The following CYP7B1 variants were observed in gnomAD, a reference collection of about 807,000 sequenced individuals.
The protein encoded by CYP7B1 is cytochrome P450 family 7 subfamily B member 1.
A neutral mutation model predicts 42.7 loss-of-function variants in CYP7B1; 29 were observed. The observed-to-expected ratio is 0.68, with a 90% CI of 0.51 to 0.93. CYP7B1 has a LOEUF of 0.93. Ranked by LOEUF, CYP7B1 falls within the 40% of genes least tolerant of loss-of-function variation. The pLI is 0.00. For synonymous variants in CYP7B1, 235 were observed against 218.2 expected (o/e 1.08, Z -0.68); for missense variants, 655 against 600.5 (o/e 1.09, Z -0.95).
intron 4 of CYP7B1, among the ~76,000 whole-genome samples, chr8:64,610,034 C>T (rs1805340974): frequency 6.6e-6 from 1 of 152,146 alleles, no homozygotes; most frequent in Non-Finnish European, 1.5e-5. Flanking sequence ...AATGAGCAAT[C>T]AAAGCTAAGA....
rs562778470 is a variant in CYP7B1 at position 64,771,147 on chromosome 8, G to A, written c.122+27319C>T. Reference sequence around the variant, plus strand: ...ACAATCTCAGCTCACTGCAACCTCCGCCTCCTGGGTTCAAGTGATTCTCCT... The same window carrying A: ...ACAATCTCAGCTCACTGCAACCTCCACCTCCTGGGTTCAAGTGATTCTCCT... On this transcript the variant is annotated intron_variant, in intron 1 of 5. Coordinates refer to ENST00000310193, the MANE Select transcript of CYP7B1 (RefSeq NM_004820.5). Among the ~76,000 whole-genome samples the A allele has an allele frequency of 6.3e-5, 8 of 126,790 alleles. No individual in the cohort carries two copies. In the South Asian group the frequency reaches 2.0e-3, roughly 31 times the overall value. The allele number at this position is 126,790 out of a possible 152,430, so 83.2% of individuals were successfully genotyped here.
intron 1 of CYP7B1, among the ~76,000 whole-genome samples, chr8:64,709,261 TCCAAAAAG>T: frequency 6.6e-6 from 1 of 152,200 alleles, no homozygotes; most frequent in Admixed American, 6.5e-5. Flanking sequence ...AGCTTCATTT[TCCAAAAAG>T]CTTGATCAAC....
At chr8:64,746,005 G>A (rs1387604774) in intron 1 of CYP7B1, among the ~76,000 whole-genome samples, 1 of 151,906 alleles carries the variant, frequency 6.6e-6, no homozygotes, top group Non-Finnish European at 1.5e-5. Context: ...ACCATTCAAT[G>A]CATGTTTTTT....
chr8:64,789,678 T>C (rs1804587082), intron 1 of CYP7B1, among the ~76,000 whole-genome samples: 1 of 152,290 alleles, frequency 6.6e-6, no homozygotes, highest in South Asian at 2.1e-4. Flanking sequence ...GGAATGCTGC[T>C]AAATATTCTA....
At chr8:64,638,021 T>G (rs1482864628) in intron 1 of CYP7B1, among the ~76,000 whole-genome samples, 1 of 152,172 alleles carries the variant, frequency 6.6e-6, no homozygotes, top group Non-Finnish European at 1.5e-5. Flanking sequence ...TTCCCAAAGT[T>G]CTCTTATACT....
intron 1 of CYP7B1, among the ~76,000 whole-genome samples, chr8:64,734,853 AC>A (rs1180960158): frequency 6.6e-6 from 1 of 152,204 alleles, no homozygotes; most frequent in African/African-American, 2.4e-5. Flanking sequence ...GCATAAGTAT[AC>A]TGGTTGCCTG....
chr8:64,739,934 A>T (rs750254986), intron 1 of CYP7B1, among the ~76,000 whole-genome samples: 7 of 152,176 alleles, frequency 4.6e-5, no homozygotes, highest in Non-Finnish European at 8.8e-5. Context: ...ATTATCCTTC[A>T]AAACTGAAAG....
chr8:64,681,584 C>G (rs1022787165), intron 1 of CYP7B1, among the ~76,000 whole-genome samples: 1 of 152,148 alleles, frequency 6.6e-6, no homozygotes, highest in African/African-American at 2.4e-5. Context: ...ATCACTTGCT[C>G]TGATGAAGCA....
At chr8:64,657,184 T>C (rs1274585471) in intron 1 of CYP7B1, among the ~76,000 whole-genome samples, 3 of 152,174 alleles carry the variant, frequency 2.0e-5, no homozygotes, top group Admixed American at 2.0e-4. Context: ...GAATAATTTA[T>C]GGTTAAACAT....
At chr8:64,756,641 C>G (rs901424857) in intron 1 of CYP7B1, among the ~76,000 whole-genome samples, 5 of 152,172 alleles carry the variant, frequency 3.3e-5, no homozygotes, top group Admixed American at 1.3e-4. Context: ...ATGCCCCTGC[C>G]CGCTAGCATC....
Position 64,789,873 on chromosome 8 carries a change from T to G in CYP7B1, c.122+8593A>C, listed in dbSNP as rs189969105. Among the ~76,000 whole-genome samples, 370 of 152,158 alleles carry G rather than the reference T, an allele frequency of 2.4e-3. 1 individual carries two copies. Among genetic ancestry groups the G allele is most frequent in the Non-Finnish European group, 3.5e-3 (239 of 67,986 alleles). On this transcript the variant is annotated intron_variant, in intron 1 of 5. Transcript: ENST00000310193. ...GGGACACAAATGAACCTGCAATGCA[T>G]AAGAAAAGTTTCAACAAGAAAAAGA...
intron 1 of CYP7B1, among the ~76,000 whole-genome samples, chr8:64,784,405 T>C (rs62521147): frequency 0.11 from 16,095 of 152,208 alleles, 1,135 homozygotes; most frequent in Non-Finnish European, 0.16. Context: ...TTTTTCAGTA[T>C]CCTTTTTGCC....
At chr8:64,758,519 A>C (rs1030807194) in intron 1 of CYP7B1, among the ~76,000 whole-genome samples, 5 of 152,012 alleles carry the variant, frequency 3.3e-5, no homozygotes, top group African/African-American at 1.2e-4. Flanking sequence ...ATTGTTATTA[A>C]GAATATTTAA....
intron 4 of CYP7B1, among the ~76,000 whole-genome samples, chr8:64,607,973 A>T (rs891401751): frequency 8.5e-5 from 13 of 152,334 alleles, no homozygotes; most frequent in Middle Eastern, 3.4e-3. Context: ...GCTGCCTGTG[A>T]GTTGTTAAGA....
At chr8:64,602,281 G>A (rs888893523) in intron 5 of CYP7B1, among the ~76,000 whole-genome samples, 1 of 152,180 alleles carries the variant, frequency 6.6e-6, no homozygotes, top group African/African-American at 2.4e-5. Flanking sequence ...TGGAAATCAG[G>A]CACACTGTCA....
intron 1 of CYP7B1, among the ~76,000 whole-genome samples, chr8:64,763,933 A>T (rs1807928545): frequency 6.6e-6 from 1 of 152,178 alleles, no homozygotes; most frequent in South Asian, 2.1e-4. Context: ...ACTTCCTCCG[A>T]TCCCTGCCTC....
In CYP7B1 at chr8:64,684,359, C is replaced by T. The variant is rs192134559; in HGVS notation, c.123-59820G>A. ...TTGCCTCAGCTGCTTCATCTATAAA[C>T]TGAGAGCGATAACAATATCGACTAT... On this transcript the variant is annotated intron_variant, in intron 1 of 5. Coordinates refer to ENST00000310193, the MANE Select transcript of CYP7B1 (RefSeq NM_004820.5). Among the ~76,000 whole-genome samples the T allele has an allele frequency of 2.0e-3, 312 of 152,310 alleles. 6 individuals carry two copies. Among genetic ancestry groups the T allele is most frequent in the Admixed American group, 0.019 (298 of 15,296 alleles).
chr8:64,642,056 C>A (rs1425374033), intron 1 of CYP7B1, among the ~76,000 whole-genome samples: 1 of 152,088 alleles, frequency 6.6e-6, no homozygotes, highest in Non-Finnish European at 1.5e-5. Flanking sequence ...TGGTTCTTTG[C>A]ATACCTCACA....
At chr8:64,697,506 A>G (rs1443950974) in intron 1 of CYP7B1, among the ~76,000 whole-genome samples, 1 of 152,170 alleles carries the variant, frequency 6.6e-6, no homozygotes, top group Non-Finnish European at 1.5e-5. Flanking sequence ...CAGAGTCAGC[A>G]TTCGTTTTGT....
Sources: gnomAD v4.1 joint callset for allele counts (sites outside exome capture counted in the v4.1 genomes callset) on GRCh38, gnomAD v4.1.1 for gene constraint, MANE v1.5 for transcripts, NCBI Gene and HGNC (gene_info 2026-07-23, HGNC 2026-07-21) for gene names.